STON1: variants seen among roughly 807,000 people sequenced by gnomAD.
The protein encoded by STON1 is stonin-1.
Under a neutral mutation model 60.9 loss-of-function variants are expected in STON1, and 79 were observed. The ratio of observed to expected loss-of-function variants is 1.30; its 90% CI spans 1.08 to 1.56. The LOEUF is 1.56. STON1 is among the 40% of genes most tolerant of loss of function. STON1 has a pLI of 0.00. For missense variants in STON1, 1,166 were observed against 858.9 expected (o/e 1.36, Z -4.47); for synonymous variants, 363 against 306.9 (o/e 1.18, Z -1.91).
At chr2:48,538,150 A>G (rs1284241800) in intron 1 of STON1, among the ~76,000 whole-genome samples, 1 of 151,854 alleles carries the variant, frequency 6.6e-6, no homozygotes, top group Non-Finnish European at 1.5e-5. Flanking sequence ...GTAGAGATGG[A>G]ATTTCACCGT....
intron 1 of STON1, among the ~76,000 whole-genome samples, chr2:48,548,444 G>C (rs77637988): frequency 0.23 from 35,068 of 151,666 alleles, 4,323 homozygotes; most frequent in East Asian, 0.33. Context: ...CATACTTTAT[G>C]CCAAATGCTT....
chr2:48,592,113 G>A (rs1452005274), intron 3 of STON1, among the ~76,000 whole-genome samples: 2 of 152,050 alleles, frequency 1.3e-5, no homozygotes, highest in Non-Finnish European at 2.9e-5. Context: ...CATTTTAGAA[G>A]CATATTTATA....
intron 1 of STON1, among the ~76,000 whole-genome samples, chr2:48,570,692 G>A (rs972535608): frequency 6.6e-6 from 1 of 151,888 alleles, no homozygotes; most frequent in Non-Finnish European, 1.5e-5. Flanking sequence ...ACAGACAGCT[G>A]AAGAAAATGT....
chr2:48,550,373 TGTA>T lies in STON1; in HGVS notation c.-48+20158_-48+20160del, dbSNP rs554843630. 6.3e-3 allele frequency among the ~76,000 whole-genome samples: 955 copies of T among 151,774 alleles called. 10 individuals carry two copies. Among genetic ancestry groups the T allele is most frequent in the African/African-American group, 0.022 (915 of 41,400 alleles). On this transcript the variant is annotated intron_variant, in intron 1 of 3. Transcript: ENST00000404752. Reference sequence around the variant, plus strand: ...TTAGCTGGGCATGGTGGTGCGTGCCTGTAATCCCAGCTACTTGGGAGCCTGAGG... The same window carrying T: ...TTAGCTGGGCATGGTGGTGCGTGCCTATCCCAGCTACTTGGGAGCCTGAGG...
At chr2:48,553,580 CG>C (rs1427999392) in intron 1 of STON1, among the ~76,000 whole-genome samples, 2 of 151,956 alleles carry the variant, frequency 1.3e-5, no homozygotes, top group African/African-American at 2.4e-5. Context: ...CTCTGCCTCC[CG>C]GGTTCAAGCG....
At position 48,581,127 on chromosome 2, in the gene STON1, T is replaced by A; in HGVS notation, c.494T>A (p.Phe165Tyr). 6.3e-7 allele frequency: 1 copy of A among 1,588,192 alleles called. No homozygotes were observed. Among genetic ancestry groups the A allele is most frequent in the African/African-American group, 1.4e-5 (1 of 73,854 alleles). The change falls in exon 2 of 4, where the codon TTC (phenylalanine) becomes TAC (tyrosine). Residue 165 changes from phenylalanine (F) to tyrosine (Y), a missense_variant. Phe to Tyr is a conservative substitution (Grantham distance 22). Coordinates refer to ENST00000404752, the MANE Select transcript of STON1 (RefSeq NM_006873.4). The stretch of plus-strand genomic sequence containing the variant: ...CCTCAACAGGCTGAAAGCCTAGGAT[T>A]CCAAAGTGATGATCTCCCCCAGTTT... Reference protein sequence around the residue: ...VNPQQAESLGFQSDDLPQFQY... With the variant: ...VNPQQAESLGYQSDDLPQFQY...
chr2:48,598,435 G>A lies in STON1; in HGVS notation c.*3133G>A, dbSNP rs529983614. ...TTCTGTCAATGCAAATATAAGACAG[G>A]TTGAGCCTTAATCATGTAACAAAAT... On this transcript the variant is annotated 3_prime_UTR_variant, in exon 4 of 4. Transcript: ENST00000404752. 1 of 152,658 alleles carries A rather than the reference G, an allele frequency of 6.6e-6. No homozygotes were observed. The highest frequency in any genetic ancestry group is 2.4e-5 in the African/African-American group (1 of 41,526). 9.5% of individuals were successfully genotyped at this position (152,658 alleles called of 1,614,324 possible).
At chr2:48,557,832 A>G (rs1483557580) in intron 1 of STON1, among the ~76,000 whole-genome samples, 11 of 152,322 alleles carry the variant, frequency 7.2e-5, no homozygotes, top group Middle Eastern at 3.4e-3. Context: ...CTTAAATATT[A>G]TTTTTTGTGT....
At chr2:48,547,871 C>A (rs565022864) in intron 1 of STON1, among the ~76,000 whole-genome samples, 2 of 152,350 alleles carry the variant, frequency 1.3e-5, no homozygotes, top group South Asian at 4.1e-4. Flanking sequence ...AGAGTTTACG[C>A]AGCACAGGGT....
At chr2:48,535,228 GAA>G (rs1181461156) in intron 1 of STON1, among the ~76,000 whole-genome samples, 1 of 151,174 alleles carries the variant, frequency 6.6e-6, no homozygotes, top group Non-Finnish European at 1.5e-5. Context: ...CATGGAATAA[GAA>G]AGAGAAAAAA....
chr2:48,578,093 GC>G (rs1350322379), intron 1 of STON1, among the ~76,000 whole-genome samples: 2 of 152,138 alleles, frequency 1.3e-5, no homozygotes, highest in African/African-American at 4.8e-5. Context: ...CCCTGCCTTA[GC>G]CTCCAGAGTA....
At position 48,581,019 on chromosome 2, in the gene STON1, C is replaced by G. The variant is rs754650424; in HGVS notation, c.386C>G (p.Thr129Arg). Reference protein sequence around the residue: ...GESSLLPTRPTCLSHALLPSD... With the variant: ...GESSLLPTRPRCLSHALLPSD... ...TCTTCCTTACTGCCTACCAGACCAA[C>G]ATGTTTATCCCATGCCTTGTTACCC... The change falls in exon 2 of 4, where the codon ACA becomes AGA. Residue 129 changes from threonine (T) to arginine (R), a missense_variant. Coordinates refer to ENST00000404752, the MANE Select transcript of STON1 (RefSeq NM_006873.4). 4 of 1,568,872 alleles carry G rather than the reference C, an allele frequency of 2.5e-6. No individual in the cohort carries two copies. Among genetic ancestry groups the G allele is most frequent in the Non-Finnish European group, 3.4e-6 (4 of 1,161,818 alleles).
chr2:48,534,884 T>C (rs1455117659), intron 1 of STON1, among the ~76,000 whole-genome samples: 1 of 152,188 alleles, frequency 6.6e-6, no homozygotes, highest in Non-Finnish European at 1.5e-5. Context: ...CACTTCTCTT[T>C]AGAAGTCTTT....
At chr2:48,548,816 T>C (rs1223138620) in intron 1 of STON1, among the ~76,000 whole-genome samples, 1 of 152,080 alleles carries the variant, frequency 6.6e-6, no homozygotes, top group Non-Finnish European at 1.5e-5. Context: ...TTCTTTTTTA[T>C]CTCTTCCTTC....
intron 1 of STON1, among the ~76,000 whole-genome samples, chr2:48,563,753 G>C (rs562432489): frequency 6.6e-6 from 1 of 151,872 alleles, no homozygotes; most frequent in Admixed American, 6.6e-5. Flanking sequence ...GAGTGCAGTG[G>C]TGTGATTTCG....
chr2:48,593,996 C>A (rs1188615591), intron 3 of STON1, among the ~76,000 whole-genome samples: 8 of 152,130 alleles, frequency 5.3e-5, no homozygotes, highest in Non-Finnish European at 8.8e-5. Context: ...GGTGTATAGG[C>A]CCCTTTGCAT....
At position 48,564,480 on chromosome 2, in the gene STON1, T is replaced by TTCTTCCTTCTTCTTCTTCTTC. The variant is rs1558604783; in HGVS notation, c.-47-16106_-47-16105insCTTCCTTCTTCTTCTTCTTCT. On this transcript the variant is annotated intron_variant, in intron 1 of 3. Transcript: ENST00000404752. ...CTTCTTCTTCTTCTTCTTCTTCTTC[T>TTCTTCCTTCTTCTTCTTCTTC]TTCTTCTTCTTCTTCTTCTTCTTCT... is the stretch of plus-strand genomic sequence containing the variant. Among the ~76,000 whole-genome samples, 5 of 32,494 alleles carry TTCTTCCTTCTTCTTCTTCTTC rather than the reference T, an allele frequency of 1.5e-4. 1 individual carries two copies. Among genetic ancestry groups the TTCTTCCTTCTTCTTCTTCTTC allele is most frequent in the African/African-American group, 3.5e-4 (3 of 8,682 alleles). The allele number at this position is 32,494 out of a possible 152,430, so 21.3% of individuals were successfully genotyped here.
At position 48,595,451 on chromosome 2, in the gene STON1, A is replaced by C. The variant is rs1315754129; in HGVS notation, c.*149A>C. The C allele has an allele frequency of 4.8e-6, 3 of 624,272 alleles. No homozygotes were observed. The highest frequency in any genetic ancestry group is 1.9e-5 in the African/African-American group (1 of 53,292). The allele number at this position is 624,272 out of a possible 1,614,324, so 38.7% of individuals were successfully genotyped here. A position where few individuals can be genotyped will look rare whatever the true frequency, so the allele number is the denominator to read the frequency against. Reference sequence around the variant, plus strand: ...GCTGTGTTTAGAGAAGTTTAGACCTAAAACCGAACAATCTGTATTTTTTGC... The same window carrying C: ...GCTGTGTTTAGAGAAGTTTAGACCTCAAACCGAACAATCTGTATTTTTTGC... On this transcript the variant is annotated 3_prime_UTR_variant, in exon 4 of 4. Coordinates refer to ENST00000404752, the MANE Select transcript of STON1 (RefSeq NM_006873.4).
intron 1 of STON1, among the ~76,000 whole-genome samples, chr2:48,538,492 A>G (rs1192205478): frequency 6.6e-6 from 1 of 152,142 alleles, no homozygotes; most frequent in African/African-American, 2.4e-5. Flanking sequence ...GCTTCTTAGC[A>G]TAGTTATTCG....
Sources: gnomAD v4.1 joint callset for allele counts (sites outside exome capture counted in the v4.1 genomes callset) on GRCh38, gnomAD v4.1.1 for gene constraint, MANE v1.5 for transcripts, NCBI Gene and HGNC (gene_info 2026-07-23, HGNC 2026-07-21) for gene names.